The following CFAP74 variants were observed in gnomAD, a reference collection of about 807,000 sequenced individuals.
CFAP74 encodes cilia- and flagella-associated protein 74.
In CFAP74, 124 loss-of-function variants were observed where a neutral mutation model predicts 188.9. That is an observed-to-expected ratio of 0.66 (90% CI 0.57 to 0.76). CFAP74 has a LOEUF of 0.76. Among genes scored for constraint, CFAP74 ranks in the 30% least tolerant of loss-of-function variants. CFAP74 has a pLI of 0.00. For missense variants in CFAP74, 2,198 were observed against 2,165.2 expected, an observed-to-expected ratio of 1.02 and a Z score of -0.30; for synonymous variants, 956 against 916.7, an observed-to-expected ratio of 1.04 and a Z score of -0.77.
rs1558021341 is a variant in CFAP74, at chr1:1,955,035, C to CCGGAAGTGCGGCTCACAT, written c.2176+655_2176+656insATGTGAGCCGCACTTCCG. On this transcript the variant is annotated intron_variant, in intron 18 of 38. Transcript: ENST00000682832. ...GTGAGGACAGGAAGTGCGGCTCACA[C>CCGGAAGTGCGGCTCACAT]CGGAAGTGCGGCTCACACCGGAAGT... is the stretch of plus-strand genomic sequence containing the variant. The CCGGAAGTGCGGCTCACAT allele has an allele frequency of 1.9e-3, 2,166 of 1,143,256 alleles. 28 individuals are homozygous for CCGGAAGTGCGGCTCACAT. In the African/African-American group the frequency reaches 0.049, roughly 26 times the overall value. The allele number at this position is 1,143,256 out of a possible 1,614,324, so 70.8% of individuals were successfully genotyped here.
chr1:1,973,045 T>C lies in CFAP74; in HGVS notation c.677A>G (p.Lys226Arg). ...GAGCTCCTTCTGGGTGTTCAGGGAC[T>C]TCCTGTGGGGATATGGGGCCGTCAG... ...VERNRLLRIR[K>R]SLNTQKELGL... Residue 226 changes from lysine (K) to arginine (R), a missense_variant and splice_region_variant, in exon 8 of 39, where the codon AAG becomes AGG. Lys to Arg is a conservative substitution (Grantham distance 26). Coordinates refer to ENST00000682832, the MANE Select transcript of CFAP74 (RefSeq NM_001304360.2). This position sits in a 1 kb window ranked among gnomAD's most constrained non-coding sequence, Gnocchi z 6.2. The C allele has an allele frequency of 1.9e-6, 3 of 1,612,266 alleles. No individual in the cohort carries two copies. The highest frequency in any genetic ancestry group is 2.5e-6 in the Non-Finnish European group (3 of 1,178,626).
chr1:1,944,304 C>A (rs955193335), intron 21 of CFAP74, 27 bp downstream of exon 21: 1 of 1,531,162 alleles, frequency 6.5e-7, no homozygotes, highest in South Asian at 1.2e-5. Flanking sequence ...TGGGTCACCC[C>A]GTGTGCATGG....
chr1:1,926,750 G>A lies in CFAP74; in HGVS notation c.3674C>T (p.Thr1225Ile). The A allele has an allele frequency of 1.9e-6, 3 of 1,550,172 alleles. No homozygotes were observed. In the South Asian group the frequency reaches 3.6e-5, roughly 18 times the overall value. Residue 1225 changes from threonine (T) to isoleucine (I), a missense_variant, in exon 30 of 39, where the codon ACC (threonine) becomes ATC (isoleucine). By Grantham distance (89) the Thr-to-Ile change is moderately conservative. Coordinates refer to ENST00000682832, the MANE Select transcript of CFAP74 (RefSeq NM_001304360.2). ...CGGGCACCACAGCTCCAGGTACAGGGTGTTGTGGGGGCTGGGATAGGAAGG... is the reference window on the plus strand; with the variant it reads ...CGGGCACCACAGCTCCAGGTACAGGATGTTGTGGGGGCTGGGATAGGAAGG... ...SEPLSFSPHN[T>I]LYLELWCPTV...
chr1:2,000,787 C>T (rs1658168302), intron 1 of CFAP74, among the ~76,000 whole-genome samples: 1 of 152,136 alleles, frequency 6.6e-6, no homozygotes, highest in Non-Finnish European at 1.5e-5. Context: ...ATGTCCTCCT[C>T]TTAGCTACTT....
rs1418826670 is a variant in CFAP74 at position 1,922,716 on chromosome 1, T to C, written c.4691A>G (p.Glu1564Gly). 1 of 1,603,084 alleles carries C rather than the reference T, an allele frequency of 6.2e-7. No homozygotes were observed. The highest frequency in any genetic ancestry group is 8.5e-7 in the Non-Finnish European group (1 of 1,174,362). Residue 1564 changes from glutamate to glycine, a missense_variant, in exon 38 of 39, where the codon GAG becomes GGG. Physicochemically the swap from Glu to Gly is moderately conservative, Grantham distance 98. Transcript: ENST00000682832. ...TTQPSPKKTV[E>G]FSIDSVASLQ... Reference sequence around the variant, plus strand: ...GGATGCGACGCTGTCTATGCTGAACTCAACGGTCTGTGGGGTATGGGGCTC... The same window carrying C: ...GGATGCGACGCTGTCTATGCTGAACCCAACGGTCTGTGGGGTATGGGGCTC...
intron 18 of CFAP74, among the ~76,000 whole-genome samples, chr1:1,948,594 GTTT>G (rs56188156): frequency 8.2e-6 from 1 of 122,074 alleles, no homozygotes; most frequent in South Asian, 2.6e-4. Flanking sequence ...CTTTCTTCTT[GTTT>G]TTTTTTTTTT....
intron 25 of CFAP74, among the ~76,000 whole-genome samples, chr1:1,930,983 C>A (rs1652322919): frequency 6.6e-6 from 1 of 152,070 alleles, no homozygotes; most frequent in South Asian, 2.1e-4. Context: ...TGTATTTTCC[C>A]CATTGATTTT....
intron 1 of CFAP74, among the ~76,000 whole-genome samples, chr1:1,999,142 G>A (rs1316822850): frequency 6.6e-6 from 1 of 152,186 alleles, no homozygotes; most frequent in Non-Finnish European, 1.5e-5. Flanking sequence ...GGGGGAAGGG[G>A]TGCCCCACCA....
Position 1,968,575 on chromosome 1 carries a change from A to T in CFAP74, c.1245+60T>A. 6.9e-7 allele frequency: 1 copy of T among 1,439,924 alleles called. No homozygotes were observed. Among genetic ancestry groups the T allele is most frequent in the Non-Finnish European group, 9.6e-7 (1 of 1,037,498 alleles). The allele number at this position is 1,439,924 out of a possible 1,614,324, so 89.2% of individuals were successfully genotyped here. On this transcript the variant is annotated intron_variant, in intron 11 of 38. Coordinates refer to ENST00000682832, the MANE Select transcript of CFAP74 (RefSeq NM_001304360.2). This position sits in a 1 kb window ranked among gnomAD's most constrained non-coding sequence, Gnocchi z 4.3. ...GATGTCTCACCACACCTGAGCCCTG[A>T]GGCCCCACCTGCCCTCCACAGGTGT...
chr1:1,957,166 C>A (rs978105518), intron 16 of CFAP74, among the ~76,000 whole-genome samples: 1 of 152,204 alleles, frequency 6.6e-6, no homozygotes. Flanking sequence ...AGGGAGCATC[C>A]TTCCAGAACG....
intron 14 of CFAP74, among the ~76,000 whole-genome samples, chr1:1,960,264 G>A (rs1654989195): frequency 6.6e-6 from 1 of 152,274 alleles, no homozygotes; most frequent in Admixed American, 6.5e-5. Context: ...TGGAGTGAGG[G>A]AGTTAATCAC....
rs753826897 is a variant in CFAP74 at position 1,959,164 on chromosome 1, C to G, written c.1807G>C (p.Gly603Arg). The G allele has an allele frequency of 6.2e-7, 1 of 1,613,300 alleles. No homozygotes were observed. Among genetic ancestry groups the G allele is most frequent in the Non-Finnish European group, 8.5e-7 (1 of 1,179,446 alleles). ...CATTTCAGTGGAACTGAAAACTCGC[C>G]CGTCTGAGCCAAAAATGAGATATTT... ...EGNISFLAQT[G>R]EFSVPLKCST... Residue 603 changes from glycine (G) to arginine (R), a missense_variant, in exon 16 of 39, where the codon GGC becomes CGC. Transcript: ENST00000682832.
intron 16 of CFAP74, among the ~76,000 whole-genome samples, chr1:1,958,286 A>G (rs1476482490): frequency 1.3e-5 from 2 of 152,122 alleles, no homozygotes; most frequent in Admixed American, 1.3e-4. Flanking sequence ...TTCCTCCTCT[A>G]GTGTAAGAAT....
chr1:1,971,034 C>A (rs1227042589), intron 9 of CFAP74, among the ~76,000 whole-genome samples: 1 of 149,708 alleles, frequency 6.7e-6, no homozygotes, highest in Non-Finnish European at 1.5e-5. Context: ...CACATGCACA[C>A]CTGCACACAC....
chr1:1,938,732 C>G (rs1653131801), intron 25 of CFAP74, 123 bp downstream of exon 25: 1 of 1,199,362 alleles, frequency 8.3e-7, no homozygotes, highest in Non-Finnish European at 1.1e-6. Context: ...TGCTGCCCAG[C>G]CCAGCCCTGT....
intron 13 of CFAP74, 47 bp downstream of exon 13, chr1:1,964,841 G>A: frequency 1.2e-6 from 2 of 1,608,192 alleles, no homozygotes; most frequent in Non-Finnish European, 1.7e-6. Flanking sequence ...CTCCCCTGCT[G>A]TCCTGTGCTG....
intron 12 of CFAP74, among the ~76,000 whole-genome samples, chr1:1,965,659 G>T (rs1024001476): frequency 4.5e-4 from 60 of 133,996 alleles, no homozygotes; most frequent in African/African-American, 2.1e-3. Flanking sequence ...TCCCGGGGTG[G>T]GGGGGGCACT....
chr1:1,926,029 G>A lies in CFAP74; in HGVS notation c.3949-91C>T, dbSNP rs921358515. The A allele has an allele frequency of 2.1e-5, 30 of 1,441,072 alleles. No homozygotes were observed. The South Asian group carries it at 4.1e-4, about 20-fold the overall frequency. The allele number at this position is 1,441,072 out of a possible 1,614,324, so 89.3% of individuals were successfully genotyped here. On this transcript the variant is annotated intron_variant, in intron 32 of 38. Coordinates refer to ENST00000682832, the MANE Select transcript of CFAP74 (RefSeq NM_001304360.2). ...CAGGGGCAGTGGGTTCTCAACGCTGGAGTTGAGACAGCTCTGGGGGGGCTC... is the reference window on the plus strand; with the variant it reads ...CAGGGGCAGTGGGTTCTCAACGCTGAAGTTGAGACAGCTCTGGGGGGGCTC...
At chr1:1,995,274 G>T (rs1469178747) in intron 1 of CFAP74, among the ~76,000 whole-genome samples, 1 of 152,080 alleles carries the variant, frequency 6.6e-6, no homozygotes, top group African/African-American at 2.4e-5. Flanking sequence ...CGAGGTGGGC[G>T]GATCACTTAA....
Sources: gnomAD v4.1 joint callset for allele counts (sites outside exome capture counted in the v4.1 genomes callset) on GRCh38, gnomAD v4.1.1 for gene constraint, Gnocchi (gnomAD v3.1) non-coding constraint, MANE v1.5 for transcripts, NCBI Gene and HGNC (gene_info 2026-07-23, HGNC 2026-07-21) for gene names.